Variants in CAMK4 observed in about 807,000 individuals in gnomAD.
The protein encoded by CAMK4 is calcium/calmodulin-dependent protein kinase type IV.
In CAMK4, 22 loss-of-function variants were observed where a neutral mutation model predicts 44.9. That is an observed-to-expected ratio of 0.49 (90% confidence interval 0.35 to 0.70). CAMK4 has a LOEUF of 0.70. Among genes scored for constraint, CAMK4 ranks in the 30% least tolerant of loss-of-function variants. The pLI is 0.01. For missense variants in CAMK4, 498 were observed against 586.8 expected (o/e 0.85, Z 1.56); for synonymous variants, 218 against 215.4 (o/e 1.01, Z -0.11).
chr5:111,328,128 G>A (rs1490118892), intron 1 of CAMK4, among the ~76,000 whole-genome samples: 1 of 143,056 alleles, frequency 7.0e-6, no homozygotes, highest in East Asian at 2.0e-4. Flanking sequence ...TTTTTCTAGG[G>A]TTTTTATGGT....
In CAMK4 at chr5:111,282,682, C is replaced by G. The variant is rs373347280; in HGVS notation, c.161+58038C>G. ...TTCTTCCTATATAAATAAGATCACA[C>G]TGTATGCATATTTTTGCAACCTACT... is the stretch of plus-strand genomic sequence containing the variant. On this transcript the variant is annotated intron_variant, in intron 1 of 10. Transcript: ENST00000282356. Among the ~76,000 whole-genome samples, 3 of 152,338 alleles carry G rather than the reference C, an allele frequency of 2.0e-5. No homozygotes were observed. In the East Asian group the frequency reaches 5.8e-4, roughly 29 times the overall value.
At chr5:111,416,369 A>C (rs1296149889) in intron 5 of CAMK4, 1 of 152,194 alleles carries the variant, frequency 6.6e-6, no homozygotes, top group Admixed American at 6.5e-5. Context: ...AGAATCTTCC[A>C]CATCTCTATA....
intron 1 of CAMK4, among the ~76,000 whole-genome samples, chr5:111,272,433 T>C (rs984780273): frequency 6.6e-6 from 1 of 152,152 alleles, no homozygotes. Flanking sequence ...GACATTATAC[T>C]CTTAAGTGGC....
At chr5:111,295,661 T>C (rs1747452031) in intron 1 of CAMK4, among the ~76,000 whole-genome samples, 2 of 152,248 alleles carry the variant, frequency 1.3e-5, no homozygotes, top group South Asian at 4.1e-4. Context: ...CATTTACTCT[T>C]TAATTCCAAA....
At chr5:111,430,730 C>T (rs1414946452) in intron 5 of CAMK4, among the ~76,000 whole-genome samples, 2 of 151,912 alleles carry the variant, frequency 1.3e-5, no homozygotes, top group African/African-American at 4.8e-5. Context: ...AATGACATAG[C>T]TGGAAACTTA....
At chr5:111,266,327 C>T (rs1228990079) in intron 1 of CAMK4, among the ~76,000 whole-genome samples, 1 of 151,948 alleles carries the variant, frequency 6.6e-6, no homozygotes, top group Non-Finnish European at 1.5e-5. Context: ...CCTCTTCAAC[C>T]CAGCCCTTTT....
intron 5 of CAMK4, among the ~76,000 whole-genome samples, chr5:111,438,345 T>A (rs1309281788): frequency 2.0e-5 from 3 of 152,208 alleles, no homozygotes; most frequent in Admixed American, 6.5e-5. Context: ...CCGCTAGCAA[T>A]GTAATTACGT....
In CAMK4 at chr5:111,367,342, A is replaced by C. The variant is rs189551725; in HGVS notation, c.241-7508A>C. ...CCAGGATGACGGCAATAAATCACTC[A>C]TGAGAGCACATACCTCATGACTTAA... On this transcript the variant is annotated intron_variant, in intron 2 of 10. Coordinates refer to ENST00000282356, the MANE Select transcript of CAMK4 (RefSeq NM_001744.6). Among the ~76,000 whole-genome samples the C allele has an allele frequency of 1.8e-3, 276 of 151,932 alleles. 2 individuals are homozygous for C. Among genetic ancestry groups the C allele is most frequent in the Non-Finnish European group, 3.1e-3 (212 of 67,968 alleles).
rs536632622 is a variant in CAMK4 at position 111,278,998 on chromosome 5, G to A, written c.161+54354G>A. Reference sequence around the variant, plus strand: ...TACAACCTCTGGGGCAACCGTTAGAGACTATGATGGTGTATGGCTCAAGGG... The same window carrying A: ...TACAACCTCTGGGGCAACCGTTAGAAACTATGATGGTGTATGGCTCAAGGG... On this transcript the variant is annotated intron_variant, in intron 1 of 10. Coordinates refer to ENST00000282356, the MANE Select transcript of CAMK4 (RefSeq NM_001744.6). Among the ~76,000 whole-genome samples, 248 of 152,292 alleles carry A rather than the reference G, an allele frequency of 1.6e-3. 2 individuals carry two copies. The highest frequency in any genetic ancestry group is 5.7e-3 in the African/African-American group (236 of 41,566).
intron 1 of CAMK4, among the ~76,000 whole-genome samples, chr5:111,276,780 A>G (rs1249012623): frequency 1.3e-5 from 2 of 152,144 alleles, no homozygotes; most frequent in Non-Finnish European, 2.9e-5. Context: ...GAGTTAGAAA[A>G]TAGTAAAAAT....
At position 111,330,092 on chromosome 5, in the gene CAMK4, A is replaced by T. The variant is rs2913713; in HGVS notation, c.162-13932A>T. Among the ~76,000 whole-genome samples, 3 of 112,084 alleles carry T rather than the reference A, an allele frequency of 2.7e-5. No individual in the cohort carries two copies. In the South Asian group the frequency reaches 9.6e-4, roughly 36 times the overall value. The allele number at this position is 112,084 out of a possible 152,430, so 73.5% of individuals were successfully genotyped here. The stretch of plus-strand genomic sequence containing the variant: ...AGTCCTCAGAATTCTACTCCCCACC[A>T]CCCCTACAAAAAAACAAACAAATAA... On this transcript the variant is annotated intron_variant, in intron 1 of 10. Coordinates refer to ENST00000282356, the MANE Select transcript of CAMK4 (RefSeq NM_001744.6).
At chr5:111,427,837 GC>G (rs1753285273) in intron 5 of CAMK4, among the ~76,000 whole-genome samples, 1 of 152,242 alleles carries the variant, frequency 6.6e-6, no homozygotes, top group South Asian at 2.1e-4. Context: ...AAGGTTACAA[GC>G]CTGGATGGCT....
At chr5:111,457,783 A>G (rs1224099566) in intron 7 of CAMK4, among the ~76,000 whole-genome samples, 1 of 152,256 alleles carries the variant, frequency 6.6e-6, no homozygotes, top group African/African-American at 2.4e-5. Context: ...GTTCATTTCC[A>G]GAAGAATAAA....
At position 111,484,619 on chromosome 5, in the gene CAMK4, A is replaced by G. The variant is rs537915932; in HGVS notation, c.*153A>G. The G allele has an allele frequency of 2.0e-4, 87 of 438,586 alleles. 1 individual carries two copies. The highest frequency in any genetic ancestry group is 1.6e-3 in the African/African-American group (80 of 49,530). 27.2% of individuals were successfully genotyped at this position (438,586 alleles called of 1,614,324 possible). A position where few individuals can be genotyped will look rare whatever the true frequency, so the allele number is the denominator to read the frequency against. On this transcript the variant is annotated 3_prime_UTR_variant, in exon 11 of 11. Coordinates refer to ENST00000282356, the MANE Select transcript of CAMK4 (RefSeq NM_001744.6). This position sits in a 1 kb window ranked among gnomAD's most constrained non-coding sequence, Gnocchi z 5.3. ...ATACCAGTTGGTAATTCTAACTTCA[A>G]TGCATGTGACTGCTTTATGAAAATA... is the stretch of plus-strand genomic sequence containing the variant.
At chr5:111,231,684 A>G (rs1748485209) in intron 1 of CAMK4, among the ~76,000 whole-genome samples, 1 of 151,622 alleles carries the variant, frequency 6.6e-6, no homozygotes, top group African/African-American at 2.4e-5. Context: ...CACTTCTGCT[A>G]TTTGCTTAAT....
chr5:111,350,559 C>T (rs1479148266), intron 2 of CAMK4, among the ~76,000 whole-genome samples: 2 of 151,956 alleles, frequency 1.3e-5, no homozygotes, highest in African/African-American at 4.8e-5. Flanking sequence ...AGATTTAGAA[C>T]ACTTTCAACC....
chr5:111,394,893 G>C, intron 5 of CAMK4, 111 bp downstream of exon 5: 2 of 698,824 alleles, frequency 2.9e-6, no homozygotes, highest in Middle Eastern at 2.4e-4. Context: ...ACAGCATAAA[G>C]TTGTGAAATA....
At chr5:111,401,467 G>T (rs1228872855) in intron 5 of CAMK4, among the ~76,000 whole-genome samples, 1 of 152,118 alleles carries the variant, frequency 6.6e-6, no homozygotes, top group Non-Finnish European at 1.5e-5. Flanking sequence ...CTGTGATGAT[G>T]GTGGTGAAGA....
chr5:111,273,704 TATATATATATATATAC>T lies in CAMK4; in HGVS notation c.161+49062_161+49077del, dbSNP rs1425098451. Among the ~76,000 whole-genome samples the T allele has an allele frequency of 6.2e-4, 33 of 53,356 alleles. 1 individual carries two copies. In the South Asian group the frequency reaches 7.6e-3, roughly 12 times the overall value. 35.0% of individuals were successfully genotyped at this position (53,356 alleles called of 152,430 possible). A position where few individuals can be genotyped will look rare whatever the true frequency, so the allele number is the denominator to read the frequency against. ...ATATATATATATATATATATATATA[TATATATATATATATAC>T]ACACACATACATACACACACACACG... On this transcript the variant is annotated intron_variant, in intron 1 of 10. Coordinates refer to ENST00000282356, the MANE Select transcript of CAMK4 (RefSeq NM_001744.6).
Sources: allele counts gnomAD v4.1 joint callset (sites outside exome capture counted in the v4.1 genomes callset), GRCh38; gene constraint gnomAD v4.1.1; non-coding constraint Gnocchi (gnomAD v3.1); transcripts MANE v1.5; gene names NCBI Gene and HGNC (gene_info 2026-07-23, HGNC 2026-07-21).